PPP2R5E: variants seen among roughly 807,000 people sequenced by gnomAD.
PPP2R5E encodes serine/threonine-protein phosphatase 2A 56 kDa regulatory subunit epsilon isoform.
In PPP2R5E, 4 loss-of-function variants were observed where a neutral mutation model predicts 65.3. The observed-to-expected ratio is 0.06, with a 90% confidence interval of 0.03 to 0.14. The LOEUF is 0.14. Ranked by LOEUF, PPP2R5E falls within the 10% of genes least tolerant of loss-of-function variation. PPP2R5E has a pLI of 1.00. For synonymous variants in PPP2R5E, 183 were observed against 187.4 expected, an observed-to-expected ratio of 0.98 and a Z score of 0.19; for missense variants, 274 against 556.1, an observed-to-expected ratio of 0.49 and a Z score of 5.10.
chr14:63,474,869 G>A (rs376650864), intron 2 of PPP2R5E, among the ~76,000 whole-genome samples: 1 of 152,234 alleles, frequency 6.6e-6, no homozygotes, highest in Non-Finnish European at 1.5e-5. Context: ...AAGGAGCTCT[G>A]AAGAAACCCA....
chr14:63,526,941 G>A (rs920555071), intron 2 of PPP2R5E, among the ~76,000 whole-genome samples: 5 of 152,198 alleles, frequency 3.3e-5, no homozygotes, highest in Admixed American at 2.0e-4. Flanking sequence ...AGGCCAAGGC[G>A]GGCGGATCAC....
chr14:63,402,730 T>C (rs1313993258), intron 5 of PPP2R5E, among the ~76,000 whole-genome samples: 12 of 151,624 alleles, frequency 7.9e-5, no homozygotes, highest in South Asian at 2.1e-4. Context: ...AGAGATAATA[T>C]ATAGAAGAAG....
chr14:63,399,970 T>G (rs1267907339), intron 5 of PPP2R5E, among the ~76,000 whole-genome samples: 2 of 152,084 alleles, frequency 1.3e-5, no homozygotes, highest in African/African-American at 4.8e-5. Context: ...GTGTTTTAAT[T>G]TGAATAAAAG....
intron 2 of PPP2R5E, among the ~76,000 whole-genome samples, chr14:63,533,161 T>A (rs1160803011): frequency 6.6e-6 from 1 of 152,246 alleles, no homozygotes; most frequent in Non-Finnish European, 1.5e-5. Flanking sequence ...ATTCTTATTC[T>A]AATAGGTTTT....
intron 11 of PPP2R5E, among the ~76,000 whole-genome samples, chr14:63,388,720 A>G (rs557136156): frequency 6.6e-6 from 1 of 152,364 alleles, no homozygotes; most frequent in East Asian, 1.9e-4. Context: ...AATCAAAACA[A>G]CAGCAGCAGC....
intron 5 of PPP2R5E, among the ~76,000 whole-genome samples, chr14:63,407,558 T>A (rs954645666): frequency 2.0e-5 from 3 of 150,458 alleles, no homozygotes; most frequent in South Asian, 2.1e-4. Flanking sequence ...TTATTTTTTT[T>A]ATATAAAAAA....
At chr14:63,426,882 G>A (rs772393207) in intron 3 of PPP2R5E, among the ~76,000 whole-genome samples, 11 of 152,072 alleles carry the variant, frequency 7.2e-5, no homozygotes, top group Non-Finnish European at 1.5e-4. Context: ...GGGAGGAAGC[G>A]GGGAGGCGTG....
At chr14:63,505,602 G>A (rs1892122605) in intron 2 of PPP2R5E, among the ~76,000 whole-genome samples, 1 of 152,160 alleles carries the variant, frequency 6.6e-6, no homozygotes, top group East Asian at 1.9e-4. Flanking sequence ...TGGACTGCAA[G>A]CTGGAGAATC....
At chr14:63,435,942 G>T (rs1314090228) in intron 3 of PPP2R5E, among the ~76,000 whole-genome samples, 1 of 152,184 alleles carries the variant, frequency 6.6e-6, no homozygotes, top group African/African-American at 2.4e-5. Flanking sequence ...GAACATTGTT[G>T]ATATTAAATC....
intron 8 of PPP2R5E, among the ~76,000 whole-genome samples, chr14:63,393,172 T>A (rs1287441194): frequency 6.6e-6 from 1 of 152,084 alleles, no homozygotes; most frequent in African/African-American, 2.4e-5. Context: ...TAAAACATGA[T>A]TACATAGTCC....
intron 10 of PPP2R5E, among the ~76,000 whole-genome samples, chr14:63,390,190 G>A (rs957901272): frequency 6.6e-6 from 1 of 151,842 alleles, no homozygotes; most frequent in Non-Finnish European, 1.5e-5. Flanking sequence ...CAATGCTCTA[G>A]AACGCACTCA....
intron 2 of PPP2R5E, among the ~76,000 whole-genome samples, chr14:63,518,410 T>C (rs376921958): frequency 2.6e-5 from 4 of 151,478 alleles, no homozygotes; most frequent in Admixed American, 6.6e-5. Flanking sequence ...CCAGGCTAAT[T>C]TTTTTTTTCT....
At chr14:63,389,496 T>G (rs1289416227) in intron 11 of PPP2R5E, 116 bp downstream of exon 11, 19 of 1,210,330 alleles carry the variant, frequency 1.6e-5, no homozygotes, top group Non-Finnish European at 2.0e-5. Context: ...TATCATCATG[T>G]GAGGGGATAG....
intron 2 of PPP2R5E, among the ~76,000 whole-genome samples, chr14:63,538,001 A>T (rs953008451): frequency 6.6e-6 from 1 of 152,218 alleles, no homozygotes; most frequent in African/African-American, 2.4e-5. Context: ...TTTAGAAAAA[A>T]TTCTTCATAT....
chr14:63,483,564 G>A (rs1237342507), intron 2 of PPP2R5E, among the ~76,000 whole-genome samples: 1 of 152,140 alleles, frequency 6.6e-6, no homozygotes, highest in African/African-American at 2.4e-5. Flanking sequence ...GAACTGGGAG[G>A]AGGAAAGAGG....
chr14:63,409,075 T>C (rs1184187327), intron 5 of PPP2R5E, among the ~76,000 whole-genome samples: 2 of 151,936 alleles, frequency 1.3e-5, no homozygotes, highest in Non-Finnish European at 2.9e-5. Context: ...CTACTAAAAA[T>C]ACAAAAAATT....
At chr14:63,511,889 G>A (rs1892467245) in intron 2 of PPP2R5E, among the ~76,000 whole-genome samples, 1 of 151,818 alleles carries the variant, frequency 6.6e-6, no homozygotes, top group Admixed American at 6.6e-5. Context: ...GACCAGCCTG[G>A]CCAACATGGT....
chr14:63,513,985 G>A (rs986164057), intron 2 of PPP2R5E, among the ~76,000 whole-genome samples: 4 of 152,144 alleles, frequency 2.6e-5, no homozygotes, highest in East Asian at 1.9e-4. Context: ...TGTTTTCTAC[G>A]GCATATTTCA....
At chr14:63,432,673 G>A (rs1887738494) in intron 3 of PPP2R5E, among the ~76,000 whole-genome samples, 1 of 152,100 alleles carries the variant, frequency 6.6e-6, no homozygotes, top group African/African-American at 2.4e-5. Context: ...GAGACTGGGG[G>A]AAGGGGAGGG....
Sources: gnomAD v4.1 joint callset for allele counts (sites outside exome capture counted in the v4.1 genomes callset) on GRCh38, gnomAD v4.1.1 for gene constraint, MANE v1.5 for transcripts, NCBI Gene and HGNC (gene_info 2026-07-23, HGNC 2026-07-21) for gene names.